Variants in PAX7 observed in about 807,000 individuals in gnomAD.
PAX7 encodes the protein paired box protein Pax-7.
PAX7 carries 18 observed loss-of-function variants against 50.7 expected under a neutral mutation model. The ratio of observed to expected loss-of-function variants is 0.36; its 90% CI spans 0.25 to 0.53. The LOEUF (loss-of-function observed/expected upper bound fraction) is 0.53, where lower values mean the gene tolerates loss of function less well. Among genes scored for constraint, PAX7 ranks in the 20% least tolerant of loss-of-function variants. The pLI is 0.93. For missense variants in PAX7, 644 were observed against 702.9 expected (o/e 0.92, Z 0.95); for synonymous variants, 310 against 290.4 (o/e 1.07, Z -0.69).
At chr1:18,738,738 C>T (rs1209899190) in intron 8 of PAX7, among the ~76,000 whole-genome samples, 1 of 152,124 alleles carries the variant, frequency 6.6e-6, no homozygotes, top group Non-Finnish European at 1.5e-5. Context: ...AGACTCTGGG[C>T]CCAAGCTGGG....
rs561049071 is a variant in PAX7, at chr1:18,685,898, T to TCCATCACCATCACCATCA, written c.587-5834_587-5817dup. Among the ~76,000 whole-genome samples the TCCATCACCATCACCATCA allele has an allele frequency of 5.4e-3, 819 of 151,878 alleles. 6 individuals carry two copies. The highest frequency in any genetic ancestry group is 0.018 in the African/African-American group (759 of 41,324). ...GGGAGCTGCCCCCAGCAACCTTCCATCCATCACCATCACCATCACCATCAC... is the reference window on the plus strand; with the variant it reads ...GGGAGCTGCCCCCAGCAACCTTCCATCCATCACCATCACCATCACCATCACCATCACCATCACCATCAC... On this transcript the variant is annotated intron_variant, in intron 4 of 8. Transcript: ENST00000420770.
At chr1:18,702,706 A>T (rs1428005184) in intron 6 of PAX7, among the ~76,000 whole-genome samples, 2 of 152,128 alleles carry the variant, frequency 1.3e-5, no homozygotes, top group East Asian at 3.9e-4. Context: ...ACCCTTAGGC[A>T]GCGTTTGTAA....
chr1:18,636,129 T>A lies in PAX7; in HGVS notation c.452-108T>A. 1 of 1,114,254 alleles carries A rather than the reference T, an allele frequency of 9.0e-7. No homozygotes were observed. The highest frequency in any genetic ancestry group is 1.3e-6 in the Non-Finnish European group (1 of 759,220). The allele number at this position is 1,114,254 out of a possible 1,614,324, so 69.0% of individuals were successfully genotyped here. A position where few individuals can be genotyped will look rare whatever the true frequency, so the allele number is the denominator to read the frequency against. Reference sequence around the variant, plus strand: ...TGTGTGGAAGAGGGATGAATGGATATCTGTAAGGAAGCAGGGGGCTTCCTG... The same window carrying A: ...TGTGTGGAAGAGGGATGAATGGATAACTGTAAGGAAGCAGGGGGCTTCCTG... On this transcript the variant is annotated intron_variant, in intron 3 of 8. Transcript: ENST00000420770. The surrounding 1 kb of genome is among the most constrained non-coding windows in gnomAD (Gnocchi z 5.1).
intron 4 of PAX7, among the ~76,000 whole-genome samples, chr1:18,645,710 A>C (rs2100445360): frequency 6.6e-6 from 1 of 152,172 alleles, no homozygotes; most frequent in South Asian, 2.1e-4. Flanking sequence ...GTGAGTCTGG[A>C]TCAAGCCTCC....
chr1:18,639,907 T>A (rs2100430859), intron 4 of PAX7, among the ~76,000 whole-genome samples: 1 of 151,048 alleles, frequency 6.6e-6, no homozygotes, highest in Non-Finnish European at 1.5e-5. Flanking sequence ...GAGGTTACAA[T>A]TAATATGAAA....
intron 7 of PAX7, among the ~76,000 whole-genome samples, chr1:18,734,626 A>G (rs927538972): frequency 1.5e-4 from 23 of 152,236 alleles, no homozygotes; most frequent in African/African-American, 4.3e-4. Context: ...CCAGACTGCC[A>G]AGGATGACTG....
chr1:18,723,370 T>C (rs1366402872), intron 7 of PAX7, among the ~76,000 whole-genome samples: 1 of 152,346 alleles, frequency 6.6e-6, no homozygotes, highest in South Asian at 2.1e-4. Context: ...TCAAGTTGAC[T>C]CCTCTCCAGG....
intron 7 of PAX7, among the ~76,000 whole-genome samples, chr1:18,717,177 G>A (rs1159460835): frequency 6.6e-6 from 1 of 152,160 alleles, no homozygotes; most frequent in Non-Finnish European, 1.5e-5. Flanking sequence ...CCTCGGGCTC[G>A]GCGGCCTGCT....
chr1:18,691,637 A>C (rs2076021), intron 4 of PAX7, 117 bp from the exon 5 acceptor site: 718,545 of 782,362 alleles, frequency 0.92, 331,497 homozygotes, highest in African/African-American at 0.98. Flanking sequence ...AGTCTGATCG[A>C]AGTGCAGTCA....
At chr1:18,653,899 C>T (rs933805910) in intron 4 of PAX7, among the ~76,000 whole-genome samples, 4 of 152,082 alleles carry the variant, frequency 2.6e-5, no homozygotes, top group African/African-American at 7.2e-5. Flanking sequence ...ACGCCAGCGT[C>T]GGTCATGGGG....
Position 18,635,165 on chromosome 1 carries a change from C to G in PAX7, c.376C>G (p.Pro126Ala), listed in dbSNP as rs770976315. 6.2e-7 allele frequency: 1 copy of G among 1,614,028 alleles called. No homozygotes were observed. Among genetic ancestry groups the G allele is most frequent in the South Asian group, 1.1e-5 (1 of 91,062 alleles). The change falls in exon 3 of 9, where the codon CCA becomes GCA. Residue 126 changes from proline to alanine, a missense_variant. Physicochemically the swap from Pro to Ala is conservative, Grantham distance 27. Coordinates refer to ENST00000420770, the MANE Select transcript of PAX7 (RefSeq NM_001135254.2). ...KKIEEYKREN[P>A]GMFSWEIRDR... ...GATTGAGGAGTACAAGAGGGAAAAC[C>G]CAGGCATGTTCAGCTGGGAGATCCG... is the stretch of plus-strand genomic sequence containing the variant.
At chr1:18,679,657 C>T (rs1458832954) in intron 4 of PAX7, among the ~76,000 whole-genome samples, 1 of 152,154 alleles carries the variant, frequency 6.6e-6, no homozygotes, top group Non-Finnish European at 1.5e-5. Flanking sequence ...TCTGTAGGTA[C>T]GTTTTGCATC....
At chr1:18,742,223 T>C (rs1931187400) in intron 8 of PAX7, among the ~76,000 whole-genome samples, 1 of 148,850 alleles carries the variant, frequency 6.7e-6, no homozygotes, top group Non-Finnish European at 1.5e-5. Flanking sequence ...AGTGGTGCGA[T>C]CTTGGCTCAC....
chr1:18,713,809 G>A (rs1404054806), intron 7 of PAX7, among the ~76,000 whole-genome samples: 1 of 152,210 alleles, frequency 6.6e-6, no homozygotes, highest in Non-Finnish European at 1.5e-5. Flanking sequence ...GGGGTAGGAG[G>A]TTGGTGCCGA....
In PAX7 at chr1:18,677,892, A is replaced by C. The variant is rs898411673; in HGVS notation, c.587-13862A>C. The stretch of plus-strand genomic sequence containing the variant: ...AAGTCAGGAGTTCAAGACCAGCCTG[A>C]CCAATATGGTGCAACCCTGTCTCTA... On this transcript the variant is annotated intron_variant, in intron 4 of 8. Transcript: ENST00000420770. Among the ~76,000 whole-genome samples the C allele has an allele frequency of 3.3e-5, 5 of 149,932 alleles. No homozygotes were observed. The Admixed American group carries it at 3.3e-4, about 10-fold the overall frequency.
At chr1:18,716,713 T>C (rs1234209275) in intron 7 of PAX7, among the ~76,000 whole-genome samples, 1 of 151,858 alleles carries the variant, frequency 6.6e-6, no homozygotes, top group African/African-American at 2.4e-5. Flanking sequence ...TTTCCCTCTT[T>C]GCCTGCCTCC....
intron 4 of PAX7, among the ~76,000 whole-genome samples, chr1:18,665,347 G>T (rs1362934677): frequency 6.6e-6 from 1 of 152,092 alleles, no homozygotes; most frequent in East Asian, 1.9e-4. Flanking sequence ...GCATGAGCGG[G>T]CTCGGGTGGC....
chr1:18,692,151 A>G (rs1335509639), intron 5 of PAX7, among the ~76,000 whole-genome samples, 198 bp downstream of exon 5: 2 of 152,152 alleles, frequency 1.3e-5, no homozygotes, highest in Non-Finnish European at 2.9e-5. Flanking sequence ...AGAGCTGGAC[A>G]GCCCAAGGAG....
intron 4 of PAX7, among the ~76,000 whole-genome samples, chr1:18,661,277 G>A (rs1376586411): frequency 6.6e-6 from 1 of 152,182 alleles, no homozygotes; most frequent in African/African-American, 2.4e-5. Flanking sequence ...GGCTGTGGGA[G>A]AGTCCCGCTT....
Sources: gnomAD v4.1 joint callset for allele counts (sites outside exome capture counted in the v4.1 genomes callset) on GRCh38, gnomAD v4.1.1 for gene constraint, Gnocchi (gnomAD v3.1) non-coding constraint, MANE v1.5 for transcripts, NCBI Gene and HGNC (gene_info 2026-07-23, HGNC 2026-07-21) for gene names.